RPS6KB1: variants seen among roughly 807,000 people sequenced by gnomAD.
RPS6KB1 encodes ribosomal protein S6 kinase beta-1.
A neutral mutation model predicts 70.2 loss-of-function variants in RPS6KB1; 12 were observed. The observed-to-expected ratio is 0.17, with a 90% CI of 0.11 to 0.28. RPS6KB1 has a LOEUF of 0.28. Ranked by LOEUF, RPS6KB1 falls within the 10% of genes least tolerant of loss-of-function variation. The pLI, the probability that RPS6KB1 is intolerant of heterozygous loss-of-function variation, is 1.00. For missense variants in RPS6KB1, 270 were observed against 646.6 expected, an observed-to-expected ratio of 0.42 and a Z score of 6.32; for synonymous variants, 175 against 211.2, an observed-to-expected ratio of 0.83 and a Z score of 1.49.
At chr17:59,945,707 C>T (rs2044882644) in intron 14 of RPS6KB1, among the ~76,000 whole-genome samples, 189 bp downstream of exon 14, 1 of 152,156 alleles carries the variant, frequency 6.6e-6, no homozygotes, top group Non-Finnish European at 1.5e-5. Flanking sequence ...TATGGTTTAC[C>T]TTCCCTCCCA....
intron 4 of RPS6KB1, among the ~76,000 whole-genome samples, chr17:59,916,909 T>A (rs2144834421): frequency 6.6e-6 from 1 of 152,286 alleles, no homozygotes; most frequent in Non-Finnish European, 1.5e-5. Flanking sequence ...TACTTGATTG[T>A]TTATGTTATT....
Position 59,949,568 on chromosome 17 carries a change from ATAAC to A in RPS6KB1, c.*2784_*2787del, listed in dbSNP as rs964646431. 3.9e-5 allele frequency: 6 copies of A among 152,570 alleles called. No homozygotes were observed. Among genetic ancestry groups the A allele is most frequent in the Admixed American group, 6.5e-5 (1 of 15,274 alleles). 9.5% of individuals were successfully genotyped at this position (152,570 alleles called of 1,614,324 possible). A position where few individuals can be genotyped will look rare whatever the true frequency, so the allele number is the denominator to read the frequency against. Reference sequence around the variant, plus strand: ...TTTATAAGGTTTGTAGCATTACAGAATAACTAAACTGGGATTTATAAACCAGCTG... The same window carrying A: ...TTTATAAGGTTTGTAGCATTACAGAATAAACTGGGATTTATAAACCAGCTG... On this transcript the variant is annotated 3_prime_UTR_variant, in exon 15 of 15. Transcript: ENST00000225577.
intron 4 of RPS6KB1, among the ~76,000 whole-genome samples, chr17:59,919,019 A>G (rs890703126): frequency 1.3e-5 from 2 of 151,472 alleles, no homozygotes; most frequent in East Asian, 1.9e-4. Context: ...TTTAGTAGTG[A>G]CAGGGTTTCG....
chr17:59,898,924 C>T (rs1249049670), intron 1 of RPS6KB1, among the ~76,000 whole-genome samples: 1 of 150,896 alleles, frequency 6.6e-6, no homozygotes, highest in African/African-American at 2.4e-5. Flanking sequence ...GTTTCCTGGC[C>T]AGGCGGGGTG....
intron 3 of RPS6KB1, 51 bp downstream of exon 3, chr17:59,912,855 T>C: frequency 1.3e-6 from 2 of 1,585,928 alleles, no homozygotes; most frequent in Middle Eastern, 1.7e-4. Flanking sequence ...AATAGATTGA[T>C]TTTTATGCCC....
intron 12 of RPS6KB1, among the ~76,000 whole-genome samples, chr17:59,937,995 C>G (rs2044336751): frequency 6.6e-6 from 1 of 151,802 alleles, no homozygotes; most frequent in African/African-American, 2.4e-5. Context: ...GCATAATGTC[C>G]CCACTTTAAA....
chr17:59,905,797 C>T (rs999940359), intron 1 of RPS6KB1, among the ~76,000 whole-genome samples: 17 of 151,762 alleles, frequency 1.1e-4, no homozygotes, highest in Non-Finnish European at 1.5e-4. Context: ...TGAGCCACTG[C>T]GCCTGGCCCT....
At chr17:59,912,591 A>G (rs2042713499) in intron 2 of RPS6KB1, 93 bp from the exon 3 acceptor site, 8 of 1,311,742 alleles carry the variant, frequency 6.1e-6, no homozygotes, top group Non-Finnish European at 8.5e-6. Context: ...TTACTTACTT[A>G]GATTACATTT....
chr17:59,900,056 C>T (rs1372093573), intron 1 of RPS6KB1, among the ~76,000 whole-genome samples: 1 of 151,864 alleles, frequency 6.6e-6, no homozygotes, highest in Non-Finnish European at 1.5e-5. Flanking sequence ...ACGCCTGGCA[C>T]TAGTGACTCC....
intron 4 of RPS6KB1, among the ~76,000 whole-genome samples, chr17:59,920,163 G>A (rs1279216723): frequency 6.6e-6 from 1 of 151,580 alleles, no homozygotes; most frequent in Non-Finnish European, 1.5e-5. Context: ...GATTACAGGT[G>A]CCCGCCACCA....
intron 12 of RPS6KB1, among the ~76,000 whole-genome samples, chr17:59,937,906 TAC>T (rs1010490375): frequency 6.6e-6 from 1 of 152,118 alleles, no homozygotes; most frequent in African/African-American, 2.4e-5. Context: ...TCTGAGAAAA[TAC>T]AGTTTCTTTT....
intron 10 of RPS6KB1, 87 bp from the exon 11 acceptor site, chr17:59,936,128 C>G: frequency 8.0e-7 from 1 of 1,249,798 alleles, no homozygotes; most frequent in Non-Finnish European, 1.1e-6. Flanking sequence ...TTTTCTCAAG[C>G]CAAAGTAGAC....
chr17:59,929,059 T>C (rs1402967942), intron 5 of RPS6KB1, among the ~76,000 whole-genome samples: 1 of 152,230 alleles, frequency 6.6e-6, no homozygotes, highest in Non-Finnish European at 1.5e-5. Context: ...TCTTTGTAAT[T>C]AATAAGTATC....
At position 59,934,429 on chromosome 17, in the gene RPS6KB1, T is replaced by C; in HGVS notation, c.780-5T>C. ...TTTTTAAGCATATTATTTTCCTCAT[T>C]GTAGGGCCCCTGAAATCTTGATGAG... On this transcript the variant is annotated splice_region_variant and splice_polypyrimidine_tract_variant and intron_variant, in intron 8 of 14. Coordinates refer to ENST00000225577, the MANE Select transcript of RPS6KB1 (RefSeq NM_003161.4). This position sits in a 1 kb window ranked among gnomAD's most constrained non-coding sequence, Gnocchi z 4.8. 2.5e-6 allele frequency: 4 copies of C among 1,613,074 alleles called. No homozygotes were observed. The highest frequency in any genetic ancestry group is 3.4e-6 in the Non-Finnish European group (4 of 1,179,158).
rs1404397597 is a variant in RPS6KB1, at chr17:59,893,228, A to C, written c.44A>C (p.Asp15Ala). 2.5e-6 allele frequency: 4 copies of C among 1,611,836 alleles called. No homozygotes were observed. In the South Asian group the frequency reaches 3.3e-5, roughly 13 times the overall value. ...CGGGACGGCTTTTACCCAGCCCCGGACTTCCGAGACAGGGAAGCTGAGGAC... is the reference window on the plus strand; with the variant it reads ...CGGGACGGCTTTTACCCAGCCCCGGCCTTCCGAGACAGGGAAGCTGAGGAC... Reference protein sequence around the residue: ...RRRDGFYPAPDFRDREAEDMA... With the variant: ...RRRDGFYPAPAFRDREAEDMA... The change falls in exon 1 of 15, where the codon GAC becomes GCC. Residue 15 changes from aspartate (D) to alanine (A), a missense_variant. Physicochemically the swap from Asp to Ala is moderately radical, Grantham distance 126. Transcript: ENST00000225577. This position sits in a 1 kb window ranked among gnomAD's most constrained non-coding sequence, Gnocchi z 4.1.
rs771010824 is a variant in RPS6KB1, at chr17:59,948,825, A to G, written c.*2037A>G. The G allele has an allele frequency of 1.3e-5, 2 of 152,596 alleles. No homozygotes were observed. The highest frequency in any genetic ancestry group is 2.9e-5 in the Non-Finnish European group (2 of 68,022). The allele number at this position is 152,596 out of a possible 1,614,324, so 9.5% of individuals were successfully genotyped here. ...TTGACAATTTGTGATGTCTGAAAAAACAGAACCCGAAAAGCTATGGTGATA... is the reference window on the plus strand; with the variant it reads ...TTGACAATTTGTGATGTCTGAAAAAGCAGAACCCGAAAAGCTATGGTGATA... On this transcript the variant is annotated 3_prime_UTR_variant, in exon 15 of 15. Coordinates refer to ENST00000225577, the MANE Select transcript of RPS6KB1 (RefSeq NM_003161.4).
chr17:59,910,484 C>T, intron 1 of RPS6KB1, 78 bp from the exon 2 acceptor site: 1 of 855,102 alleles, frequency 1.2e-6, no homozygotes, highest in Non-Finnish European at 1.8e-6. Context: ...CATTCTCTTT[C>T]AGTTATGAGA....
chr17:59,918,473 G>A (rs2043088285), intron 4 of RPS6KB1, among the ~76,000 whole-genome samples: 1 of 151,832 alleles, frequency 6.6e-6, no homozygotes, highest in South Asian at 2.1e-4. Flanking sequence ...GCGTTCAAGC[G>A]ATTCTCCTGC....
At chr17:59,919,916 C>T (rs1425576096) in intron 4 of RPS6KB1, among the ~76,000 whole-genome samples, 1 of 152,090 alleles carries the variant, frequency 6.6e-6, no homozygotes, top group Non-Finnish European at 1.5e-5. Flanking sequence ...GTGTATTCCC[C>T]TTTGCAGGCA....
Sources: allele counts gnomAD v4.1 joint callset (sites outside exome capture counted in the v4.1 genomes callset), GRCh38; gene constraint gnomAD v4.1.1; non-coding constraint Gnocchi (gnomAD v3.1); transcripts MANE v1.5; gene names NCBI Gene and HGNC (gene_info 2026-07-23, HGNC 2026-07-21).